ATP2C2: variants seen among roughly 807,000 people sequenced by gnomAD.
ATP2C2 encodes the protein ATPase secretory pathway Ca2+ transporting 2.
ATP2C2 carries 171 observed loss-of-function variants against 110.8 expected under a neutral mutation model. The ratio of observed to expected loss-of-function variants is 1.54; its 90% CI spans 1.36 to 1.75. ATP2C2 has a LOEUF of 1.75. ATP2C2 is among the 40% of genes most tolerant of loss of function. The pLI, the probability that ATP2C2 is intolerant of heterozygous loss-of-function variation, is 0.00. For missense variants in ATP2C2, 1,963 were observed against 1,235.0 expected (o/e 1.59, Z -8.84); for synonymous variants, 804 against 508.4 (o/e 1.58, Z -7.82).
At chr16:84,372,726 T>A (rs1463208640) in intron 1 of ATP2C2, among the ~76,000 whole-genome samples, 1 of 151,612 alleles carries the variant, frequency 6.6e-6, no homozygotes, top group East Asian at 1.9e-4. Flanking sequence ...ACCTGGCCAG[T>A]GTTGTCTTAA....
intron 10 of ATP2C2, among the ~76,000 whole-genome samples, chr16:84,424,565 A>T (rs186158607): frequency 4.4e-4 from 51 of 116,346 alleles, no homozygotes; most frequent in African/African-American, 1.9e-3. Flanking sequence ...GGCATGAGCC[A>T]CCGCACTGGG....
intron 24 of ATP2C2, 90 bp from the exon 25 acceptor site, chr16:84,461,624 C>A: frequency 6.7e-6 from 8 of 1,192,528 alleles, no homozygotes; most frequent in Non-Finnish European, 1.0e-5. Flanking sequence ...AGCCATGCCC[C>A]AGGAGCAGTG....
chr16:84,429,077 G>C (rs923711905), intron 11 of ATP2C2, among the ~76,000 whole-genome samples: 13 of 152,156 alleles, frequency 8.5e-5, no homozygotes, highest in Admixed American at 7.2e-4. Flanking sequence ...GGATGGTCTT[G>C]ATCTCTAGTG....
At chr16:84,451,401 C>T (rs1195522332) in intron 17 of ATP2C2, among the ~76,000 whole-genome samples, 1 of 152,222 alleles carries the variant, frequency 6.6e-6, no homozygotes, top group Non-Finnish European at 1.5e-5. Flanking sequence ...TGCTATGCAG[C>T]TGTTTCTGGC....
intron 1 of ATP2C2, among the ~76,000 whole-genome samples, chr16:84,389,526 G>A (rs1449763595): frequency 6.6e-6 from 1 of 152,168 alleles, no homozygotes; most frequent in East Asian, 1.9e-4. Flanking sequence ...ATCATCTGGT[G>A]TTTATCTGGA....
At chr16:84,406,756 T>C (rs577833778) in intron 3 of ATP2C2, 29 of 621,624 alleles carry the variant, frequency 4.7e-5, no homozygotes, top group Non-Finnish European at 5.8e-5. Context: ...GGCCGAGACA[T>C]GGGCTGTGAG....
intron 4 of ATP2C2, among the ~76,000 whole-genome samples, chr16:84,410,116 G>A (rs1906144072): frequency 6.6e-6 from 1 of 152,122 alleles, no homozygotes; most frequent in Non-Finnish European, 1.5e-5. Flanking sequence ...GGCCGAGGCA[G>A]GAGAATCGCT....
chr16:84,408,082 G>C (rs1567701165), intron 3 of ATP2C2, among the ~76,000 whole-genome samples: 2 of 152,208 alleles, frequency 1.3e-5, no homozygotes, highest in Non-Finnish European at 2.9e-5. Flanking sequence ...GCCGTCCTGA[G>C]CCAGGACTGG....
intron 1 of ATP2C2, among the ~76,000 whole-genome samples, chr16:84,378,740 C>A (rs1425961041): frequency 6.6e-6 from 1 of 152,186 alleles, no homozygotes; most frequent in African/African-American, 2.4e-5. Context: ...CACTGCAAAA[C>A]GGCCCCCTCC....
intron 1 of ATP2C2, among the ~76,000 whole-genome samples, chr16:84,380,858 A>G (rs1203045121): frequency 6.6e-6 from 1 of 152,212 alleles, no homozygotes; most frequent in South Asian, 2.1e-4. Context: ...TTTATTAGCA[A>G]TAATTATTTA....
intron 1 of ATP2C2, among the ~76,000 whole-genome samples, chr16:84,379,139 C>G: frequency 6.6e-6 from 1 of 151,272 alleles, no homozygotes; most frequent in African/African-American, 2.4e-5. Flanking sequence ...TTTCCCCTCT[C>G]TTCCCCTCCT....
chr16:84,462,454 G>C (rs1000696788), intron 26 of ATP2C2: 4 of 233,664 alleles, frequency 1.7e-5, no homozygotes, highest in Non-Finnish European at 3.4e-5. Context: ...CCTGTACTCA[G>C]CCTGGGAGGT....
chr16:84,385,513 C>T (rs1904307289), intron 1 of ATP2C2, among the ~76,000 whole-genome samples: 3 of 152,140 alleles, frequency 2.0e-5, no homozygotes, highest in Admixed American at 6.5e-5. Context: ...TTCTCTTCTC[C>T]CTGTTAACTT....
Position 84,442,602 on chromosome 16 carries a change from AG to A in ATP2C2, c.1401+5del, listed in dbSNP as rs752375297. ...CATTGATGGCCCTGGCGATGAAGGTAGGAGGTCCTGGGGTGGCTCTGCGGGG... is the reference window on the plus strand; with the variant it reads ...CATTGATGGCCCTGGCGATGAAGGTAGAGGTCCTGGGGTGGCTCTGCGGGG... On this transcript the variant is annotated splice_donor_region_variant and intron_variant, in intron 15 of 26. Coordinates refer to ENST00000262429, the MANE Select transcript of ATP2C2 (RefSeq NM_014861.4). 1.9e-6 allele frequency: 3 copies of A among 1,613,690 alleles called. No individual in the cohort carries two copies. The highest frequency in any genetic ancestry group is 2.5e-6 in the Non-Finnish European group (3 of 1,179,778).
intron 1 of ATP2C2, among the ~76,000 whole-genome samples, chr16:84,388,656 C>T (rs192884627): frequency 9.5e-4 from 144 of 152,320 alleles, no homozygotes; most frequent in Admixed American, 3.1e-3. Flanking sequence ...TGTCAGGAAG[C>T]CCACTCGATT....
At chr16:84,421,928 TGTGA>T (rs1310261822) in intron 7 of ATP2C2, among the ~76,000 whole-genome samples, 3 of 152,118 alleles carry the variant, frequency 2.0e-5, no homozygotes, top group Non-Finnish European at 2.9e-5. Flanking sequence ...TGCCAGGGTG[TGTGA>T]GTGTCTCTGT....
intron 1 of ATP2C2, among the ~76,000 whole-genome samples, chr16:84,385,482 C>G (rs9630651): frequency 0.18 from 27,690 of 151,990 alleles, 2,689 homozygotes; most frequent in South Asian, 0.29. Flanking sequence ...TCTCATTTAA[C>G]GTCTCCTGTA....
chr16:84,391,546 C>G (rs571997942), intron 1 of ATP2C2, among the ~76,000 whole-genome samples: 3 of 152,172 alleles, frequency 2.0e-5, no homozygotes, highest in Non-Finnish European at 4.4e-5. Context: ...ATAAGAAAAG[C>G]AGACAGAGAC....
chr16:84,399,666 G>A (rs1905202446), intron 2 of ATP2C2, among the ~76,000 whole-genome samples: 2 of 152,102 alleles, frequency 1.3e-5, no homozygotes, highest in East Asian at 3.9e-4. Flanking sequence ...GCATATTTAT[G>A]GGTTCCAGAG....
Sources: allele counts gnomAD v4.1 joint callset (sites outside exome capture counted in the v4.1 genomes callset), GRCh38; gene constraint gnomAD v4.1.1; transcripts MANE v1.5; gene names NCBI Gene and HGNC (gene_info 2026-07-23, HGNC 2026-07-21).